CHST15: variants seen among roughly 807,000 people sequenced by gnomAD.
The protein encoded by CHST15 is carbohydrate sulfotransferase 15.
A neutral mutation model predicts 53.6 loss-of-function variants in CHST15; 30 were observed. That is an observed-to-expected ratio of 0.56 (90% CI 0.42 to 0.76). CHST15 has a LOEUF of 0.76. Ranked by LOEUF, CHST15 falls within the 30% of genes least tolerant of loss-of-function variation. The pLI is 0.00. For missense variants in CHST15, 627 were observed against 740.5 expected (o/e 0.85, Z 1.78); for synonymous variants, 296 against 289.8 (o/e 1.02, Z -0.22).
chr10:124,036,662 G>GCGCA lies in CHST15; in HGVS notation c.1190+1852_1190+1853insTGCG, dbSNP rs1947508768. ...TAAGACTGTCCTGTCACACCCATGT[G>GCGCA]CACACACACACACACACACACTTAT... On this transcript the variant is annotated intron_variant, in intron 5 of 7. Transcript: ENST00000435907. The surrounding 1 kb of genome is among the most constrained non-coding windows in gnomAD (Gnocchi z 5.1). Among the ~76,000 whole-genome samples the GCGCA allele has an allele frequency of 4.0e-5, 6 of 149,600 alleles. No homozygotes were observed. Among genetic ancestry groups the GCGCA allele is most frequent in the African/African-American group, 1.5e-4 (6 of 40,270 alleles).
chr10:124,039,302 A>G lies in CHST15; in HGVS notation c.1034-631T>C, dbSNP rs541369075. On this transcript the variant is annotated intron_variant, in intron 4 of 7. Transcript: ENST00000435907. ...GGGGCAGAGCTGAGCCACATTTCAGAGCCGGGAGGAGCCGAGAACTGGTCT... is the reference window on the plus strand; with the variant it reads ...GGGGCAGAGCTGAGCCACATTTCAGGGCCGGGAGGAGCCGAGAACTGGTCT... Among the ~76,000 whole-genome samples the G allele has an allele frequency of 3.3e-5, 5 of 152,304 alleles. No homozygotes were observed. In the East Asian group the frequency reaches 9.6e-4, roughly 29 times the overall value.
intron 5 of CHST15, among the ~76,000 whole-genome samples, chr10:124,027,744 A>G (rs1052334582): frequency 6.6e-6 from 1 of 152,114 alleles, no homozygotes; most frequent in Non-Finnish European, 1.5e-5. Context: ...TTACTGGGGG[A>G]GAAGGCTGAC....
chr10:124,080,824 CTT>C (rs200957375), intron 1 of CHST15, among the ~76,000 whole-genome samples: 1,617 of 152,348 alleles, frequency 0.011, 26 homozygotes, highest in African/African-American at 0.037. Flanking sequence ...TCACTATACT[CTT>C]GCCTGTTTTC....
At chr10:124,031,567 T>C (rs1326799224) in intron 5 of CHST15, among the ~76,000 whole-genome samples, 3 of 152,190 alleles carry the variant, frequency 2.0e-5, no homozygotes, top group African/African-American at 7.2e-5. Flanking sequence ...GATTATAACT[T>C]TACGGGGCCA....
At chr10:124,056,324 C>G (rs1013013575) in intron 1 of CHST15, among the ~76,000 whole-genome samples, 4 of 152,190 alleles carry the variant, frequency 2.6e-5, no homozygotes, top group African/African-American at 9.7e-5. Flanking sequence ...CAGGAGGCAG[C>G]TGATGGGATG....
At chr10:124,067,901 C>T (rs963266231) in intron 1 of CHST15, among the ~76,000 whole-genome samples, 2 of 152,184 alleles carry the variant, frequency 1.3e-5, no homozygotes, top group African/African-American at 4.8e-5. Context: ...AGGCGGGAGC[C>T]ACTGCGCCTG....
Position 124,012,338 on chromosome 10 carries a change from T to C in CHST15, c.1490A>G (p.Asn497Ser). Reference sequence around the variant, plus strand: ...TCTAAGCACCACACTCATACCTAGGTTCAGAAACTGGAAGACCTTGTGCAT... The same window carrying C: ...TCTAAGCACCACACTCATACCTAGGCTCAGAAACTGGAAGACCTTGTGCAT... Reference protein sequence around the residue: ...YTMHKVFQFLNLGPLSEKQEA... With the variant: ...YTMHKVFQFLSLGPLSEKQEA... Residue 497 changes from asparagine to serine, a missense_variant, in exon 7 of 8, where the codon AAC (asparagine) becomes AGC (serine). This residue lies in a region of CHST15 where 279 missense variants were observed against 371.6 expected (regional missense o/e 0.75). Coordinates refer to ENST00000435907, the MANE Select transcript of CHST15 (RefSeq NM_001270764.2). 1 of 1,613,520 alleles carries C rather than the reference T, an allele frequency of 6.2e-7. No homozygotes were observed. The highest frequency in any genetic ancestry group is 8.5e-7 in the Non-Finnish European group (1 of 1,179,662).
At chr10:124,027,258 G>A (rs576383924) in intron 5 of CHST15, among the ~76,000 whole-genome samples, 109 of 152,258 alleles carry the variant, frequency 7.2e-4, no homozygotes, top group African/African-American at 2.5e-3. Flanking sequence ...GGGACCCCTG[G>A]AGGAGCGGTG....
chr10:124,043,887 AG>A (rs1436335081), intron 3 of CHST15, among the ~76,000 whole-genome samples: 2 of 149,706 alleles, frequency 1.3e-5, no homozygotes, highest in East Asian at 3.9e-4. Flanking sequence ...CACAGAGCAG[AG>A]GAACAGCACA....
chr10:124,032,811 G>A (rs372713315), intron 5 of CHST15, among the ~76,000 whole-genome samples: 694 of 135,560 alleles, frequency 5.1e-3, no homozygotes, highest in East Asian at 6.6e-3. Flanking sequence ...TTCTCCTCCA[G>A]AAAAAAAAAA....
chr10:124,040,372 G>A (rs1947688961), intron 4 of CHST15, among the ~76,000 whole-genome samples: 1 of 152,158 alleles, frequency 6.6e-6, no homozygotes, highest in Admixed American at 6.5e-5. Flanking sequence ...GGGGGACGAT[G>A]GCAATTCAAG....
chr10:124,026,146 G>A (rs567444563), intron 5 of CHST15, among the ~76,000 whole-genome samples: 2 of 152,312 alleles, frequency 1.3e-5, no homozygotes, highest in East Asian at 3.9e-4. Flanking sequence ...GGTAGGGGAG[G>A]ACTGGGGTCA....
chr10:124,051,038 G>C (rs1433325278), intron 1 of CHST15, among the ~76,000 whole-genome samples: 2 of 152,252 alleles, frequency 1.3e-5, no homozygotes, highest in African/African-American at 4.8e-5. Context: ...CCGCCTCCTG[G>C]GTTCAAGCGA....
At chr10:124,084,402 C>A (rs1949351709) in intron 1 of CHST15, among the ~76,000 whole-genome samples, 1 of 152,164 alleles carries the variant, frequency 6.6e-6, no homozygotes, top group African/African-American at 2.4e-5. Flanking sequence ...TCCGTTAGAG[C>A]CTTTGGGCCA....
intron 5 of CHST15, among the ~76,000 whole-genome samples, chr10:124,033,613 C>A (rs1359223434): frequency 1.3e-5 from 2 of 152,222 alleles, no homozygotes; most frequent in African/African-American, 4.8e-5. Context: ...AATCTGCTAG[C>A]AGACGCTCTA....
chr10:124,087,114 G>C (rs1033095037), intron 1 of CHST15, among the ~76,000 whole-genome samples: 1 of 152,186 alleles, frequency 6.6e-6, no homozygotes, highest in Non-Finnish European at 1.5e-5. Flanking sequence ...GACCACTTTC[G>C]TGGAAGGGTA....
rs376773940 is a variant in CHST15 at position 124,024,945 on chromosome 10, A to G, written c.1191-3533T>C. 9.2e-5 allele frequency among the ~76,000 whole-genome samples: 14 copies of G among 152,336 alleles called. No individual in the cohort carries two copies. The East Asian group carries it at 2.7e-3, about 29-fold the overall frequency. On this transcript the variant is annotated intron_variant, in intron 5 of 7. Coordinates refer to ENST00000435907, the MANE Select transcript of CHST15 (RefSeq NM_001270764.2). This position sits in a 1 kb window ranked among gnomAD's most constrained non-coding sequence, Gnocchi z 4.0. Reference sequence around the variant, plus strand: ...AAACTGTCATAAAATCCCACGTTAAATAAGTATTCGAAGCCCAGTTTTTAC... The same window carrying G: ...AAACTGTCATAAAATCCCACGTTAAGTAAGTATTCGAAGCCCAGTTTTTAC...
intron 6 of CHST15, 56 bp from the exon 7 acceptor site, chr10:124,012,536 G>A: frequency 1.3e-6 from 2 of 1,554,794 alleles, no homozygotes; most frequent in Non-Finnish European, 1.7e-6. Flanking sequence ...ACACCATAGG[G>A]CACTTTTCCA....
intron 6 of CHST15, among the ~76,000 whole-genome samples, chr10:124,013,773 C>A (rs1271778487): frequency 6.6e-6 from 1 of 152,214 alleles, no homozygotes; most frequent in African/African-American, 2.4e-5. Context: ...TTCTCCAGGG[C>A]TTCTCCCCTT....
Sources: allele counts gnomAD v4.1 joint callset (sites outside exome capture counted in the v4.1 genomes callset), GRCh38; gene constraint gnomAD v4.1.1; regional missense constraint gnomAD v4.1.1; non-coding constraint Gnocchi (gnomAD v3.1); transcripts MANE v1.5; gene names NCBI Gene and HGNC (gene_info 2026-07-23, HGNC 2026-07-21).